The following GPR158 variants were observed in gnomAD, a reference collection of about 807,000 sequenced individuals.
The protein encoded by GPR158 is metabotropic glycine receptor.
A neutral mutation model predicts 78.2 loss-of-function variants in GPR158; 30 were observed. The observed-to-expected ratio is 0.38, with a 90% confidence interval of 0.29 to 0.52. The LOEUF is 0.52. GPR158 is among the 20% of genes least tolerant of loss of function. The probability of loss-of-function intolerance (pLI) is 0.83; values close to 1 mark genes in which losing one functional copy is unlikely to be tolerated. For synonymous variants in GPR158, 581 were observed against 591.1 expected (o/e 0.98, Z 0.25); for missense variants, 1,463 against 1,523.5 (o/e 0.96, Z 0.66).
At chr10:25,427,500 A>G (rs552026665) in intron 4 of GPR158, among the ~76,000 whole-genome samples, 1 of 152,080 alleles carries the variant, frequency 6.6e-6, no homozygotes, top group African/African-American at 2.4e-5. Flanking sequence ...TCAGTATTGT[A>G]TCTACCTATA....
intron 4 of GPR158, among the ~76,000 whole-genome samples, chr10:25,439,945 C>T (rs898559932): frequency 5.9e-5 from 9 of 152,272 alleles, no homozygotes; most frequent in East Asian, 1.9e-4. Context: ...TTTCTCTTTC[C>T]GTTGAATATT....
chr10:25,230,649 G>A (rs532564323), intron 2 of GPR158, among the ~76,000 whole-genome samples: 98 of 152,248 alleles, frequency 6.4e-4, no homozygotes, highest in Non-Finnish European at 1.1e-3. Flanking sequence ...TTTTTCTCAA[G>A]GAATACAGGG....
At chr10:25,525,128 A>G (rs1836330240) in intron 5 of GPR158, among the ~76,000 whole-genome samples, 1 of 152,172 alleles carries the variant, frequency 6.6e-6, no homozygotes, top group Non-Finnish European at 1.5e-5. Context: ...AAGATAGGCA[A>G]TGAGTGTTGG....
intron 2 of GPR158, among the ~76,000 whole-genome samples, chr10:25,224,738 A>T (rs1853349710): frequency 6.6e-6 from 1 of 152,136 alleles, no homozygotes; most frequent in Non-Finnish European, 1.5e-5. Flanking sequence ...ATAAATTGTC[A>T]ACTATGTTTG....
At chr10:25,440,086 T>C (rs1015586804) in intron 4 of GPR158, among the ~76,000 whole-genome samples, 2 of 152,196 alleles carry the variant, frequency 1.3e-5, no homozygotes, top group Non-Finnish European at 2.9e-5. Flanking sequence ...GGTGAACCTG[T>C]TGGTAGGTTT....
Position 25,233,359 on chromosome 10 carries a change from T to C in GPR158, c.1008+12202T>C, listed in dbSNP as rs552510512. On this transcript the variant is annotated intron_variant, in intron 2 of 10. Transcript: ENST00000376351. ...TATTGGCTTGTCAGTACAGTCTTTG[T>C]TTTATGCATGCAAAAGCAGTTTCTT... Among the ~76,000 whole-genome samples, 5 of 152,142 alleles carry C rather than the reference T, an allele frequency of 3.3e-5. No homozygotes were observed. The East Asian group carries it at 9.7e-4, about 30-fold the overall frequency.
intron 2 of GPR158, among the ~76,000 whole-genome samples, chr10:25,310,226 T>G (rs543856614): frequency 1.8e-4 from 27 of 152,316 alleles, no homozygotes; most frequent in African/African-American, 6.3e-4. Context: ...AAGGTTCATA[T>G]CTGCGCTCTC....
chr10:25,327,050 CA>C (rs1855045565), intron 2 of GPR158, among the ~76,000 whole-genome samples: 1 of 152,112 alleles, frequency 6.6e-6, no homozygotes. Context: ...GGTTGATCAG[CA>C]TGTAACCTCA....
intron 2 of GPR158, among the ~76,000 whole-genome samples, chr10:25,244,341 C>T (rs1481768006): frequency 6.6e-6 from 1 of 152,252 alleles, no homozygotes; most frequent in Non-Finnish European, 1.5e-5. Context: ...GCAGGAGCCA[C>T]CTTAGGACAG....
At chr10:25,355,939 C>T (rs1468958940) in intron 2 of GPR158, among the ~76,000 whole-genome samples, 1 of 151,966 alleles carries the variant, frequency 6.6e-6, no homozygotes, top group Non-Finnish European at 1.5e-5. Flanking sequence ...GCAGAATATC[C>T]AGGGCTGGGT....
intron 2 of GPR158, among the ~76,000 whole-genome samples, chr10:25,282,951 G>A (rs1009609216): frequency 6.6e-6 from 1 of 151,992 alleles, no homozygotes; most frequent in African/African-American, 2.4e-5. Context: ...GATAATGAGA[G>A]GTATCAGTCT....
intron 4 of GPR158, among the ~76,000 whole-genome samples, chr10:25,465,529 A>C (rs1290411709): frequency 6.6e-6 from 1 of 152,216 alleles, no homozygotes; most frequent in African/African-American, 2.4e-5. Context: ...TTAGCAAACT[A>C]TTCAGAAATT....
chr10:25,180,866 G>GAA (rs113872524), intron 1 of GPR158, among the ~76,000 whole-genome samples: 2 of 129,216 alleles, frequency 1.5e-5, no homozygotes, highest in African/African-American at 5.6e-5. Context: ...ATTTGGTTAA[G>GAA]AAAAAAAAAA....
chr10:25,312,899 C>A (rs1353991090), intron 2 of GPR158, among the ~76,000 whole-genome samples: 1 of 151,950 alleles, frequency 6.6e-6, no homozygotes, highest in Non-Finnish European at 1.5e-5. Context: ...AAAATTTTAA[C>A]CCCCATATTT....
At chr10:25,214,026 G>A (rs1588738676) in intron 1 of GPR158, among the ~76,000 whole-genome samples, 1 of 151,996 alleles carries the variant, frequency 6.6e-6, no homozygotes. Context: ...ATGGAGTCTC[G>A]CTCTATCGCC....
At chr10:25,550,819 G>A (rs1836716668) in intron 5 of GPR158, among the ~76,000 whole-genome samples, 157 bp from the exon 6 acceptor site, 1 of 151,982 alleles carries the variant, frequency 6.6e-6, no homozygotes, top group African/African-American at 2.4e-5. Context: ...TATTTCTTTG[G>A]TCTGGACAAT....
At chr10:25,484,384 T>C (rs1406692945) in intron 5 of GPR158, among the ~76,000 whole-genome samples, 1 of 152,222 alleles carries the variant, frequency 6.6e-6, no homozygotes, top group Non-Finnish European at 1.5e-5. Context: ...TCAAAAATTG[T>C]AACATTAAAA....
Position 25,596,634 on chromosome 10 carries a change from T to G in GPR158, c.1999-9T>G. ...CTAATGTCTACTGCTCATACTGAAT[T>G]TGTTTCAGTTTTCACATTCAAGCAA... On this transcript the variant is annotated splice_polypyrimidine_tract_variant and intron_variant, in intron 9 of 10. Coordinates refer to ENST00000376351, the MANE Select transcript of GPR158 (RefSeq NM_020752.3). 2 of 1,608,168 alleles carry G rather than the reference T, an allele frequency of 1.2e-6. No homozygotes were observed. The highest frequency in any genetic ancestry group is 1.7e-6 in the Non-Finnish European group (2 of 1,175,774).
At chr10:25,307,228 T>G (rs1854689964) in intron 2 of GPR158, among the ~76,000 whole-genome samples, 1 of 150,860 alleles carries the variant, frequency 6.6e-6, no homozygotes, top group Admixed American at 6.6e-5. Context: ...AAGATAGTGT[T>G]TTTTTTTTGC....
Sources: allele counts gnomAD v4.1 joint callset (sites outside exome capture counted in the v4.1 genomes callset), GRCh38; gene constraint gnomAD v4.1.1; transcripts MANE v1.5; gene names NCBI Gene and HGNC (gene_info 2026-07-23, HGNC 2026-07-21).